Variants in CTNNA3 observed in about 807,000 individuals in gnomAD.
CTNNA3 encodes the protein catenin alpha-3.
In CTNNA3, 76 loss-of-function variants were observed where a neutral mutation model predicts 95.7. That is an observed-to-expected ratio of 0.79 (90% CI 0.66 to 0.96). CTNNA3 has a LOEUF of 0.96. CTNNA3 is among the 40% of genes least tolerant of loss of function. The pLI is 0.00. For missense variants in CTNNA3, 1,191 were observed against 1,089.8 expected, an observed-to-expected ratio of 1.09 and a Z score of -1.31; for synonymous variants, 431 against 374.4, an observed-to-expected ratio of 1.15 and a Z score of -1.74.
intron 7 of CTNNA3, among the ~76,000 whole-genome samples, chr10:67,064,725 T>C (rs1855964711): frequency 6.6e-6 from 1 of 152,228 alleles, no homozygotes; most frequent in Admixed American, 6.5e-5. Flanking sequence ...GAGGTATTAA[T>C]TGAAATTTAA....
rs144811408 is a variant in CTNNA3, at chr10:66,131,713, T to A, written c.1885-28464A>T. 2.6e-5 allele frequency among the ~76,000 whole-genome samples: 4 copies of A among 151,894 alleles called. No homozygotes were observed. The South Asian group carries it at 6.3e-4, about 24-fold the overall frequency. On this transcript the variant is annotated intron_variant, in intron 13 of 17. Coordinates refer to ENST00000433211, the MANE Select transcript of CTNNA3 (RefSeq NM_013266.4). ...GTACAAAAACAGACACACAGACCAA[T>A]GGAATAGAGAATAGAGAGCCCAGAA...
At chr10:67,299,376 T>TTAGA (rs2132491126) in intron 5 of CTNNA3, among the ~76,000 whole-genome samples, 1 of 152,300 alleles carries the variant, frequency 6.6e-6, no homozygotes, top group African/African-American at 2.4e-5. Flanking sequence ...AGAAATGCTG[T>TTAGA]TAGATTTAGA....
At chr10:66,367,419 G>C (rs1291612384) in intron 12 of CTNNA3, among the ~76,000 whole-genome samples, 1 of 151,240 alleles carries the variant, frequency 6.6e-6, no homozygotes, top group Admixed American at 6.6e-5. Context: ...ATCAATCATT[G>C]ACATGTTATA....
chr10:66,779,819 G>T (rs1329401451), intron 7 of CTNNA3, among the ~76,000 whole-genome samples: 1 of 152,116 alleles, frequency 6.6e-6, no homozygotes, highest in African/African-American at 2.4e-5. Context: ...GGTCAACATA[G>T]TCAACAAATC....
At chr10:67,011,913 T>A (rs1244010487) in intron 7 of CTNNA3, among the ~76,000 whole-genome samples, 13 of 152,128 alleles carry the variant, frequency 8.5e-5, no homozygotes, top group Non-Finnish European at 2.9e-5. Context: ...CATAAACACC[T>A]GCCCTTGAAA....
At chr10:66,007,511 C>T (rs890434559) in intron 15 of CTNNA3, among the ~76,000 whole-genome samples, 2 of 152,172 alleles carry the variant, frequency 1.3e-5, no homozygotes, top group African/African-American at 2.4e-5. Context: ...GGTAGTTATT[C>T]GGCATCATGT....
At chr10:67,071,841 A>C (rs1856485801) in intron 7 of CTNNA3, among the ~76,000 whole-genome samples, 1 of 152,172 alleles carries the variant, frequency 6.6e-6, no homozygotes, top group African/African-American at 2.4e-5. Flanking sequence ...CAGTTCACTA[A>C]ACTTGTATTA....
chr10:66,293,297 G>A (rs1341396590), intron 12 of CTNNA3, among the ~76,000 whole-genome samples: 1 of 151,942 alleles, frequency 6.6e-6, no homozygotes, highest in East Asian at 1.9e-4. Context: ...TTATATATTT[G>A]CCTGTGTTTC....
At chr10:66,616,901 A>G (rs946796358) in intron 10 of CTNNA3, among the ~76,000 whole-genome samples, 12 of 152,070 alleles carry the variant, frequency 7.9e-5, no homozygotes, top group African/African-American at 2.9e-4. Flanking sequence ...CATCTTATTA[A>G]AAATAAGACA....
intron 15 of CTNNA3, among the ~76,000 whole-genome samples, chr10:66,062,942 T>C (rs2080232226): frequency 6.6e-6 from 1 of 152,140 alleles, no homozygotes. Context: ...AGAATCCTTT[T>C]ACAACTTGAT....
At chr10:66,138,137 C>A (rs2083445035) in intron 13 of CTNNA3, among the ~76,000 whole-genome samples, 2 of 151,932 alleles carry the variant, frequency 1.3e-5, no homozygotes, top group South Asian at 4.2e-4. Flanking sequence ...TAATAATAAA[C>A]CCAAATATAT....
At chr10:66,225,746 T>A in intron 13 of CTNNA3, among the ~76,000 whole-genome samples, 1 of 151,372 alleles carries the variant, frequency 6.6e-6, no homozygotes, top group East Asian at 1.9e-4. Flanking sequence ...CATTTCTGAT[T>A]TTTTTTTAAT....
At chr10:65,948,455 C>T (rs2077558812) in intron 17 of CTNNA3, among the ~76,000 whole-genome samples, 1 of 151,994 alleles carries the variant, frequency 6.6e-6, no homozygotes, top group Admixed American at 6.6e-5. Flanking sequence ...CCACGAATTG[C>T]CTGTGACCCA....
rs79922362 is a variant in CTNNA3, at chr10:67,264,279, C to A, written c.580-44409G>T. ...ACCAGAAGTGGGATTCAAACTAAAG[C>A]CTGCCAGACTCCTAAGTCATTGTTG... On this transcript the variant is annotated intron_variant, in intron 5 of 17. Transcript: ENST00000433211. Among the ~76,000 whole-genome samples the A allele has an allele frequency of 2.5e-3, 383 of 152,170 alleles. 10 individuals carry two copies. The East Asian group carries it at 0.042, about 17-fold the overall frequency.
chr10:66,235,074 T>G (rs1379029854), intron 13 of CTNNA3, among the ~76,000 whole-genome samples: 9 of 152,192 alleles, frequency 5.9e-5, no homozygotes, highest in African/African-American at 1.9e-4. Context: ...TGTTGAGCCT[T>G]CAGATAGACA....
Position 66,260,682 on chromosome 10 carries a change from C to T in CTNNA3, c.1884+19788G>A, listed in dbSNP as rs59789428. Reference sequence around the variant, plus strand: ...AGGAAAAAGCAGAACAGGTAAATGACAGGAAGTTTCTACTTACAGAACACT... The same window carrying T: ...AGGAAAAAGCAGAACAGGTAAATGATAGGAAGTTTCTACTTACAGAACACT... On this transcript the variant is annotated intron_variant, in intron 13 of 17. Coordinates refer to ENST00000433211, the MANE Select transcript of CTNNA3 (RefSeq NM_013266.4). Among the ~76,000 whole-genome samples, 504 of 152,220 alleles carry T rather than the reference C, an allele frequency of 3.3e-3. 2 individuals are homozygous for T. Among genetic ancestry groups the T allele is most frequent in the African/African-American group, 0.011 (477 of 41,556 alleles).
chr10:66,825,451 T>C (rs909252179), intron 7 of CTNNA3, among the ~76,000 whole-genome samples: 1 of 151,550 alleles, frequency 6.6e-6, no homozygotes, highest in Admixed American at 6.6e-5. Flanking sequence ...AATTTTGGTA[T>C]TTTTAGTAGA....
chr10:67,627,766 C>T (rs1839006336), intron 2 of CTNNA3, among the ~76,000 whole-genome samples: 1 of 151,800 alleles, frequency 6.6e-6, no homozygotes, highest in Admixed American at 6.6e-5. Flanking sequence ...CATTTACAAA[C>T]ACTGATATAA....
At chr10:67,295,313 A>AG (rs1412490245) in intron 5 of CTNNA3, among the ~76,000 whole-genome samples, 1 of 152,242 alleles carries the variant, frequency 6.6e-6, no homozygotes, top group African/African-American at 2.4e-5. Flanking sequence ...ATTTTTTAAA[A>AG]GTTAATTCAT....
Sources: gnomAD v4.1 joint callset for allele counts (sites outside exome capture counted in the v4.1 genomes callset) on GRCh38, gnomAD v4.1.1 for gene constraint, MANE v1.5 for transcripts, NCBI Gene and HGNC (gene_info 2026-07-23, HGNC 2026-07-21) for gene names.